Variants in HDAC2 observed in about 807,000 individuals in gnomAD.
HDAC2 encodes YY1-associated factor 1.
A neutral mutation model predicts 68.5 loss-of-function variants in HDAC2; 5 were observed. That is an observed-to-expected ratio of 0.07 (90% CI 0.04 to 0.15). The LOEUF (loss-of-function observed/expected upper bound fraction) is 0.15. Ranked by LOEUF, HDAC2 falls within the 10% of genes least tolerant of loss-of-function variation. HDAC2 has a pLI of 1.00. For missense variants in HDAC2, 291 were observed against 600.8 expected (o/e 0.48, Z 5.39); for synonymous variants, 182 against 191.3 (o/e 0.95, Z 0.40).
intron 1 of HDAC2, among the ~76,000 whole-genome samples, chr6:113,968,940 C>T (rs1776903278): frequency 6.6e-6 from 1 of 152,192 alleles, no homozygotes; most frequent in Non-Finnish European, 1.5e-5. Flanking sequence ...CCCATCACTA[C>T]CAACACCAAC....
At chr6:113,945,210 AAAG>A in intron 10 of HDAC2, 149 bp downstream of exon 10, 1 of 417,332 alleles carries the variant, frequency 2.4e-6, no homozygotes, top group East Asian at 3.8e-5. Flanking sequence ...AAAAAAAAAA[AAAG>A]AATAATCAGT....
chr6:113,967,700 G>C (rs1776856389), intron 1 of HDAC2, among the ~76,000 whole-genome samples: 1 of 152,194 alleles, frequency 6.6e-6, no homozygotes, highest in Non-Finnish European at 1.5e-5. Context: ...AAAAATGTGA[G>C]TGGTATAACT....
rs1455211259 is a variant in HDAC2, at chr6:113,936,398, AAT to A, written c.*4658_*4659del. ...GCTCATGTAAATAGCCAATAATAAC[AAT>A]ATGATAGTTCTATTTTTTCTGTAAT... On this transcript the variant is annotated 3_prime_UTR_variant, in exon 14 of 14. Transcript: ENST00000519065. The A allele has an allele frequency of 6.6e-6, 1 of 152,148 alleles. No homozygotes were observed. The highest frequency in any genetic ancestry group is 2.4e-5 in the African/African-American group (1 of 41,434). The allele number at this position is 152,148 out of a possible 1,614,324, so 9.4% of individuals were successfully genotyped here.
At chr6:113,944,499 T>C (rs1688459865) in intron 10 of HDAC2, 89 bp from the exon 11 acceptor site, 2 of 1,144,386 alleles carry the variant, frequency 1.7e-6, no homozygotes, top group East Asian at 2.5e-5. Context: ...AAAAATTTCA[T>C]CTTTGGTCTA....
chr6:113,966,556 C>CAA (rs57345054), intron 1 of HDAC2, among the ~76,000 whole-genome samples: 14,046 of 107,088 alleles, frequency 0.13, 831 homozygotes, highest in African/African-American at 0.17. Flanking sequence ...AATTCCATCT[C>CAA]AAAAAAAAAA....
chr6:113,970,500 G>GCGTGTAGATCTCGGTGGTC, intron 1 of HDAC2: 2 of 1,142,570 alleles, frequency 1.8e-6, no homozygotes, highest in Non-Finnish European at 2.1e-6. Context: ...ACGAATGGTG[G>GCGTGTAGATCTCGGTGGTC]GCGGGAGAAG....
rs1776098111 is a variant in HDAC2, at chr6:113,940,148, C to T, written c.*910G>A. On this transcript the variant is annotated 3_prime_UTR_variant, in exon 14 of 14. Transcript: ENST00000519065. ...AGCATTTTTCCATTATATTCAGTTA[C>T]ACTCCTACAGTCTTAAAATGGGCAG... The T allele has an allele frequency of 6.6e-6, 1 of 152,144 alleles. No homozygotes were observed. The highest frequency in any genetic ancestry group is 2.4e-5 in the African/African-American group (1 of 41,432). The allele number at this position is 152,144 out of a possible 1,614,324, so 9.4% of individuals were successfully genotyped here. A position where few individuals can be genotyped will look rare whatever the true frequency, so the allele number is the denominator to read the frequency against.
chr6:113,948,747 T>C, intron 8 of HDAC2: 2 of 433,754 alleles, frequency 4.6e-6, no homozygotes, highest in Non-Finnish European at 8.1e-6. Flanking sequence ...TGCCTTGGGT[T>C]CAAACTACAA....
chr6:113,950,874 C>T (rs1274070538), intron 6 of HDAC2, among the ~76,000 whole-genome samples: 2 of 152,210 alleles, frequency 1.3e-5, no homozygotes, highest in South Asian at 2.1e-4. Flanking sequence ...TTATGAGACC[C>T]AACATCCAAC....
In HDAC2 at chr6:113,970,921, C is replaced by G; in HGVS notation, c.-13G>C. ...GACTGTACGCCATGGGCTCCCCGGC[C>G]ACCGCCGCCACCGGGCTCCTCCTCC... On this transcript the variant is annotated 5_prime_UTR_variant, in exon 1 of 14. Transcript: ENST00000519065. The G allele has an allele frequency of 6.4e-7, 1 of 1,550,770 alleles. No individual in the cohort carries two copies. The highest frequency in any genetic ancestry group is 8.7e-7 in the Non-Finnish European group (1 of 1,147,316).
intron 5 of HDAC2, among the ~76,000 whole-genome samples, chr6:113,954,711 G>A (rs535245284): frequency 1.3e-5 from 2 of 152,294 alleles, no homozygotes; most frequent in African/African-American, 4.8e-5. Flanking sequence ...GTTTATTTGA[G>A]GAGTCAGTAT....
In HDAC2 at chr6:113,936,492, A is replaced by C. The variant is rs534903349; in HGVS notation, c.*4566T>G. 1 of 152,274 alleles carries C rather than the reference A, an allele frequency of 6.6e-6. No individual in the cohort carries two copies. Among genetic ancestry groups the C allele is most frequent in the African/African-American group, 2.4e-5 (1 of 41,548 alleles). 9.4% of individuals were successfully genotyped at this position (152,274 alleles called of 1,614,324 possible). ...TACAGAGGCATCAAGATCCCCCCAA[A>C]GTTGTCAAATATTATTCGTATCCTT... On this transcript the variant is annotated 3_prime_UTR_variant, in exon 14 of 14. Coordinates refer to ENST00000519065, the MANE Select transcript of HDAC2 (RefSeq NM_001527.4).
chr6:113,963,209 A>C (rs1049348676), intron 1 of HDAC2, among the ~76,000 whole-genome samples: 1 of 151,258 alleles, frequency 6.6e-6, no homozygotes, highest in Non-Finnish European at 1.5e-5. Context: ...TCAGCCTCCC[A>C]AGTAGCTGGG....
At chr6:113,960,061 C>T (rs750897762) in intron 1 of HDAC2, 43 bp from the exon 2 acceptor site, 2 of 940,294 alleles carry the variant, frequency 2.1e-6, no homozygotes, top group African/African-American at 1.6e-5. Context: ...AGACAAGAGA[C>T]CCTCCATGAA....
chr6:113,949,028 T>G lies in HDAC2; in HGVS notation c.792A>C (p.Ala264=). ...QPSAVVLQCG[A]DSLSGDRLGC... ...CCAGTCTATCACCAGATAATGAGTCTGCACCACACTGTAATACCACAGCAC... is the reference window on the plus strand; with the variant it reads ...CCAGTCTATCACCAGATAATGAGTCGGCACCACACTGTAATACCACAGCAC... The change falls in exon 8 of 14, where the codon GCA becomes GCC. Residue 264 remains alanine, a synonymous_variant. Coordinates refer to ENST00000519065, the MANE Select transcript of HDAC2 (RefSeq NM_001527.4). 1 of 1,614,050 alleles carries G rather than the reference T, an allele frequency of 6.2e-7. No homozygotes were observed. Among genetic ancestry groups the G allele is most frequent in the Non-Finnish European group, 8.5e-7 (1 of 1,179,974 alleles).
chr6:113,941,181 G>T, intron 13 of HDAC2, 93 bp from the exon 14 acceptor site: 2 of 842,430 alleles, frequency 2.4e-6, no homozygotes, highest in Non-Finnish European at 3.8e-6. Context: ...GTAGGCTCAT[G>T]CTAAGAAACA....
rs893865845 is a variant in HDAC2 at position 113,939,022 on chromosome 6, A to G, written c.*2036T>C. 3.3e-5 allele frequency: 5 copies of G among 152,244 alleles called. No individual in the cohort carries two copies. The highest frequency in any genetic ancestry group is 7.3e-5 in the Non-Finnish European group (5 of 68,044). 9.4% of individuals were successfully genotyped at this position (152,244 alleles called of 1,614,324 possible). A position where few individuals can be genotyped will look rare whatever the true frequency, so the allele number is the denominator to read the frequency against. ...TAATACATAGCAGTCAAAATGAACT[A>G]TACTTAACATGTGTCAACAGGGGTA... On this transcript the variant is annotated 3_prime_UTR_variant, in exon 14 of 14. Transcript: ENST00000519065.
Position 113,958,782 on chromosome 6 carries a change from A to C in HDAC2, c.166-16T>G, listed in dbSNP as rs752923924. 2.9e-6 allele frequency: 4 copies of C among 1,399,592 alleles called. No homozygotes were observed. The highest frequency in any genetic ancestry group is 1.2e-5 in the South Asian group (1 of 86,192). The allele number at this position is 1,399,592 out of a possible 1,614,324, so 86.7% of individuals were successfully genotyped here. ...TATGGGGCCTCTGTGAAGAGAAATA[A>C]ATGTCAGAACTGTGGAATTACAACC... On this transcript the variant is annotated splice_polypyrimidine_tract_variant and intron_variant, in intron 2 of 13. Coordinates refer to ENST00000519065, the MANE Select transcript of HDAC2 (RefSeq NM_001527.4).
intron 10 of HDAC2, 70 bp downstream of exon 10, chr6:113,945,292 T>C (rs1776243088): frequency 1.4e-6 from 1 of 694,484 alleles, no homozygotes; most frequent in African/African-American, 1.9e-5. Context: ...CCATCATACT[T>C]GGCCCTTTAA....
Sources: allele counts gnomAD v4.1 joint callset (sites outside exome capture counted in the v4.1 genomes callset), GRCh38; gene constraint gnomAD v4.1.1; transcripts MANE v1.5; gene names NCBI Gene and HGNC (gene_info 2026-07-23, HGNC 2026-07-21).